Variants in PRH1 observed in about 807,000 individuals in gnomAD.
The protein encoded by PRH1 is proline rich protein HaeIII subfamily 1, also known as salivary acidic proline-rich phosphoprotein 1/2.
PRH1 carries 7 observed loss-of-function variants against 7.9 expected under a neutral mutation model. The observed-to-expected ratio is 0.89, with a 90% CI of 0.50 to 1.67. The LOEUF (loss-of-function observed/expected upper bound fraction) is 1.67, where lower values mean the gene tolerates loss of function less well. PRH1 is among the 40% of genes most tolerant of loss of function. PRH1 has a pLI of 0.00. For synonymous variants in PRH1, 45 were observed against 80.8 expected (o/e 0.56, Z 2.38); for missense variants, 109 against 223.6 (o/e 0.49, Z 3.27).
chr12:11,100,561 T>C (rs955765691), intron 1 of PRH1, among the ~76,000 whole-genome samples: 1 of 152,228 alleles, frequency 6.6e-6, no homozygotes, highest in African/African-American at 2.4e-5. Context: ...ATGATTTAAA[T>C]TTTAAGCTGT....
At chr12:10,906,633 A>G (rs141891838) in intron 2 of PRH1, among the ~76,000 whole-genome samples, 24 of 152,288 alleles carry the variant, frequency 1.6e-4, no homozygotes, top group African/African-American at 5.5e-4. Context: ...ATGGTAGTGA[A>G]TAAGTCTCAT....
intron 1 of PRH1, among the ~76,000 whole-genome samples, chr12:11,062,845 AT>A (rs1323270138): frequency 1.3e-5 from 2 of 152,142 alleles, no homozygotes; most frequent in African/African-American, 4.8e-5. Flanking sequence ...AACTGCTTTT[AT>A]CAAAAATATC....
rs1408435939 is a variant in PRH1, at chr12:11,008,774, T to C, written c.-125-35053A>G. ...TTTACTATAATTATCTATCCTTAGTTGATATATACTTGGACAGCTTCTTTT... is the reference window on the plus strand; with the variant it reads ...TTTACTATAATTATCTATCCTTAGTCGATATATACTTGGACAGCTTCTTTT... On this transcript the variant is annotated intron_variant, in intron 1 of 3. Transcript: ENST00000539853. Among the ~76,000 whole-genome samples, 3 of 151,346 alleles carry C rather than the reference T, an allele frequency of 2.0e-5. No individual in the cohort carries two copies. The East Asian group carries it at 5.9e-4, about 30-fold the overall frequency.
At chr12:10,883,152 C>A in intron 1 of PRH1, 56 bp from the exon 2 acceptor site, 1 of 1,576,610 alleles carries the variant, frequency 6.3e-7, no homozygotes, top group Non-Finnish European at 8.7e-7. Flanking sequence ...ATTCAAGGCT[C>A]ATAGTGTTCT....
At chr12:11,135,502 T>C (rs918434764) in intron 1 of PRH1, among the ~76,000 whole-genome samples, 1 of 96,540 alleles carries the variant, frequency 1.0e-5, no homozygotes, top group African/African-American at 3.4e-5. Flanking sequence ...ACCAGAGCTA[T>C]CCAACAAACC....
chr12:11,145,248 G>A (rs1283525698), intron 1 of PRH1, among the ~76,000 whole-genome samples: 1 of 152,130 alleles, frequency 6.6e-6, no homozygotes, highest in Non-Finnish European at 1.5e-5. Flanking sequence ...TTGGAATACA[G>A]TGGCGCAATC....
At chr12:11,131,233 T>TG in intron 1 of PRH1, among the ~76,000 whole-genome samples, 1 of 152,348 alleles carries the variant, frequency 6.6e-6, no homozygotes, top group South Asian at 2.1e-4. Flanking sequence ...GTGGTTTCCC[T>TG]TTGTAGCCCT....
Position 10,905,060 on chromosome 12 carries a change from C to T in PRH1, c.-58-20785G>A, listed in dbSNP as rs189774744. Among the ~76,000 whole-genome samples the T allele has an allele frequency of 1.4e-4, 21 of 150,586 alleles. No individual in the cohort carries two copies. In the East Asian group the frequency reaches 1.8e-3, roughly 13 times the overall value. On this transcript the variant is annotated intron_variant, in intron 2 of 3. Coordinates refer to the PRH1 transcript ENST00000539853. ...TAGTGAAGCTGTGGAGCAATGGGAA[C>T]GCTTGTACCCTGTTGGTGGGCATGC...
At chr12:10,964,722 A>G (rs4763599) in intron 2 of PRH1, 201,406 of 638,626 alleles carry the variant, frequency 0.32, 36,986 homozygotes, top group Non-Finnish European at 0.36. Context: ...TTGCCATGGA[A>G]CTGCATCTTC....
intron 1 of PRH1, among the ~76,000 whole-genome samples, chr12:11,170,696 G>A (rs1565729545): frequency 6.6e-6 from 1 of 152,220 alleles, no homozygotes; most frequent in Non-Finnish European, 1.5e-5. Context: ...ACATGGCTGG[G>A]AATATAATTT....
intron 1 of PRH1, among the ~76,000 whole-genome samples, chr12:11,156,524 T>C (rs1027814669): frequency 1.3e-5 from 2 of 152,226 alleles, no homozygotes; most frequent in African/African-American, 2.4e-5. Flanking sequence ...CTTTAGCCTG[T>C]ATTTTTCCAT....
In PRH1 at chr12:11,093,138, A is replaced by T. The variant is rs1235219357; in HGVS notation, n.124-45950T>A. ...TCTTTAGTGACTTCAGTTGTTAGGGAAGTTTTGTAACTTAATATATATATC... is the reference window on the plus strand; with the variant it reads ...TCTTTAGTGACTTCAGTTGTTAGGGTAGTTTTGTAACTTAATATATATATC... On this transcript the variant is annotated intron_variant and non_coding_transcript_variant, in intron 1 of 4. Coordinates refer to the PRH1 transcript ENST00000541977. Among the ~76,000 whole-genome samples, 2 of 116,168 alleles carry T rather than the reference A, an allele frequency of 1.7e-5. 1 individual carries two copies. The highest frequency in any genetic ancestry group is 5.8e-5 in the African/African-American group (2 of 34,628). 76.2% of individuals were successfully genotyped at this position (116,168 alleles called of 152,430 possible). A position where few individuals can be genotyped will look rare whatever the true frequency, so the allele number is the denominator to read the frequency against.
At chr12:11,039,269 TAA>T (rs1565582287) in intron 1 of PRH1, among the ~76,000 whole-genome samples, 1 of 152,230 alleles carries the variant, frequency 6.6e-6, no homozygotes, top group Non-Finnish European at 1.5e-5. Flanking sequence ...TCCTGATTCC[TAA>T]GTGTGCAGTA....
chr12:11,163,841 T>C (rs574779171), intron 1 of PRH1, among the ~76,000 whole-genome samples: 5 of 152,144 alleles, frequency 3.3e-5, no homozygotes, highest in Non-Finnish European at 7.4e-5. Flanking sequence ...ATCTCACATT[T>C]GCCACAGGGA....
At chr12:11,070,493 C>A (rs1469998202) in intron 1 of PRH1, among the ~76,000 whole-genome samples, 10 of 151,980 alleles carry the variant, frequency 6.6e-5, no homozygotes, top group East Asian at 3.9e-4. Context: ...TGCACTTGAT[C>A]TCCAAAGTGC....
chr12:11,050,094 G>A (rs1236523259), upstream of PRH1, among the ~76,000 whole-genome samples: 1 of 150,952 alleles, frequency 6.6e-6, no homozygotes, highest in East Asian at 2.0e-4. Context: ...AGACCAGCTC[G>A]GTTGTGGAGA....
At chr12:11,119,735 G>C (rs1945839267), downstream of PRH1, among the ~76,000 whole-genome samples, 1 of 152,110 alleles carries the variant, frequency 6.6e-6, no homozygotes, top group Non-Finnish European at 1.5e-5. Context: ...ATTATTTTCT[G>C]TAGCCTATTG....
intron 2 of PRH1, among the ~76,000 whole-genome samples, chr12:10,944,921 G>T (rs1202670904): frequency 2.0e-5 from 3 of 152,100 alleles, no homozygotes; most frequent in East Asian, 3.8e-4. Context: ...TTTGATCATG[G>T]TGGATTAGCT....
intron 2 of PRH1, among the ~76,000 whole-genome samples, chr12:10,911,150 T>C (rs1949893877): frequency 6.6e-6 from 1 of 152,214 alleles, no homozygotes; most frequent in East Asian, 1.9e-4. Flanking sequence ...TTTTTCATTT[T>C]AGGGTGTTCT....
Sources: allele counts gnomAD v4.1 joint callset (sites outside exome capture counted in the v4.1 genomes callset), GRCh38; gene constraint gnomAD v4.1.1; transcripts MANE v1.5; gene names NCBI Gene and HGNC (gene_info 2026-07-23, HGNC 2026-07-21).